Variants in RAD51B observed in about 807,000 individuals in gnomAD.
The protein encoded by RAD51B is RAD51 paralog B, also known as DNA repair protein RAD51 homolog 2.
In RAD51B, 38 loss-of-function variants were observed where a neutral mutation model predicts 42.2. The ratio of observed to expected loss-of-function variants is 0.90; its 90% CI spans 0.70 to 1.18. RAD51B has a LOEUF of 1.18. Ranked by LOEUF, RAD51B falls within the 50% of genes most tolerant of loss-of-function variation. The probability of loss-of-function intolerance (pLI) is 0.00; values close to 1 mark genes in which losing one functional copy is unlikely to be tolerated. For missense variants in RAD51B, 373 were observed against 400.7 expected, an observed-to-expected ratio of 0.93 and a Z score of 0.59; for synonymous variants, 154 against 145.2, an observed-to-expected ratio of 1.06 and a Z score of -0.43.
At chr14:67,957,272 G>A (rs2140220853) in intron 7 of RAD51B, among the ~76,000 whole-genome samples, 1 of 152,358 alleles carries the variant, frequency 6.6e-6, no homozygotes, top group South Asian at 2.1e-4. Context: ...ATGCTTGGAT[G>A]TGAAAGAACA....
intron 10 of RAD51B, among the ~76,000 whole-genome samples, chr14:68,639,793 G>T (rs1329496755): frequency 1.3e-5 from 2 of 151,872 alleles, no homozygotes; most frequent in African/African-American, 4.8e-5. Context: ...TTTGTTTTTT[G>T]TTTTTTGTTT....
At chr14:68,173,328 C>T (rs1023270668) in intron 7 of RAD51B, among the ~76,000 whole-genome samples, 3 of 152,146 alleles carry the variant, frequency 2.0e-5, no homozygotes, top group Non-Finnish European at 4.4e-5. Flanking sequence ...GAAAAATATT[C>T]TTTATATTCT....
At chr14:67,917,805 C>T (rs1338339858) in intron 7 of RAD51B, among the ~76,000 whole-genome samples, 4 of 151,934 alleles carry the variant, frequency 2.6e-5, no homozygotes, top group Non-Finnish European at 5.9e-5. Flanking sequence ...GGGGGAAGAT[C>T]AGGAGTTCAG....
chr14:68,413,857 A>G (rs11158737), intron 9 of RAD51B, among the ~76,000 whole-genome samples: 129,311 of 152,116 alleles, frequency 0.85, 55,248 homozygotes, highest in East Asian at 0.97. Context: ...GAACGTGCCT[A>G]GATAATTCTA....
intron 8 of RAD51B, among the ~76,000 whole-genome samples, chr14:68,327,382 G>T (rs12893170): frequency 0.032 from 4,545 of 142,412 alleles, 210 homozygotes; most frequent in African/African-American, 0.11. Flanking sequence ...TTTTTTTGTT[G>T]TTTTTTTTTT....
chr14:68,203,400 G>A (rs1338173419), intron 7 of RAD51B, among the ~76,000 whole-genome samples: 1 of 152,172 alleles, frequency 6.6e-6, no homozygotes, highest in Non-Finnish European at 1.5e-5. Flanking sequence ...TCTCAACAGT[G>A]TGTTTAAAAT....
At chr14:67,907,200 CT>C (rs2043807150) in intron 7 of RAD51B, among the ~76,000 whole-genome samples, 1 of 151,822 alleles carries the variant, frequency 6.6e-6, no homozygotes, top group African/African-American at 2.4e-5. Flanking sequence ...TTTTGTTGAT[CT>C]TTTGTATGGT....
intron 10 of RAD51B, among the ~76,000 whole-genome samples, chr14:68,536,808 G>A (rs1196453746): frequency 2.0e-5 from 3 of 152,030 alleles, no homozygotes; most frequent in African/African-American, 4.8e-5. Context: ...CCAGCCAGTC[G>A]CAGTGGCTCA....
chr14:68,297,555 A>C (rs1480065497), intron 8 of RAD51B, among the ~76,000 whole-genome samples: 1 of 152,108 alleles, frequency 6.6e-6, no homozygotes, highest in Non-Finnish European at 1.5e-5. Flanking sequence ...CTAAATGTTC[A>C]TTGGTTTGTG....
intron 7 of RAD51B, among the ~76,000 whole-genome samples, chr14:68,282,086 A>AT (rs1435150077): frequency 2.6e-5 from 4 of 151,446 alleles, no homozygotes; most frequent in Non-Finnish European, 5.9e-5. Context: ...GGTTCAAGCG[A>AT]TTCTCCTGCC....
intron 8 of RAD51B, among the ~76,000 whole-genome samples, chr14:68,351,633 C>T (rs2082790759): frequency 6.6e-6 from 1 of 152,134 alleles, no homozygotes; most frequent in Admixed American, 6.5e-5. Context: ...GTCCTGCCAC[C>T]TGAAGAGAGA....
chr14:68,195,021 G>T (rs1429166166), intron 7 of RAD51B, among the ~76,000 whole-genome samples: 2 of 152,048 alleles, frequency 1.3e-5, no homozygotes, highest in Non-Finnish European at 2.9e-5. Flanking sequence ...TATGTACTTG[G>T]TGGCAAGCAC....
chr14:68,072,768 C>T (rs1174748946), intron 7 of RAD51B, among the ~76,000 whole-genome samples: 1 of 152,170 alleles, frequency 6.6e-6, no homozygotes, highest in Non-Finnish European at 1.5e-5. Context: ...TTCTTGATTC[C>T]TGCCTTAATT....
intron 4 of RAD51B, among the ~76,000 whole-genome samples, chr14:67,863,591 T>G (rs1341923320): frequency 6.6e-6 from 1 of 152,126 alleles, no homozygotes; most frequent in Admixed American, 6.6e-5. Flanking sequence ...TAGCCCAGAC[T>G]TTTTTCCCTC....
chr14:67,930,128 C>A lies in RAD51B; in HGVS notation c.756+42924C>A, dbSNP rs57759614. Reference sequence around the variant, plus strand: ...GATTGTAGGCAGCATATAGTTAGATCATTTTTAAATCAATTCAGAGAGTCT... The same window carrying A: ...GATTGTAGGCAGCATATAGTTAGATAATTTTTAAATCAATTCAGAGAGTCT... On this transcript the variant is annotated intron_variant, in intron 7 of 10. Coordinates refer to ENST00000471583, the MANE Select transcript of RAD51B (RefSeq NM_133510.4). 6.2e-4 allele frequency among the ~76,000 whole-genome samples: 95 copies of A among 152,250 alleles called. 2 individuals are homozygous for A. In the East Asian group the frequency reaches 0.014, roughly 23 times the overall value.
chr14:67,941,623 G>A (rs1359276917), intron 7 of RAD51B, among the ~76,000 whole-genome samples: 4 of 152,076 alleles, frequency 2.6e-5, no homozygotes, highest in African/African-American at 4.8e-5. Flanking sequence ...AGAATGCCTC[G>A]GGCTCTGTGT....
chr14:67,992,115 A>G (rs962045546), intron 7 of RAD51B, among the ~76,000 whole-genome samples: 4 of 152,344 alleles, frequency 2.6e-5, no homozygotes, highest in East Asian at 3.9e-4. Flanking sequence ...TATTCTATGC[A>G]TCGGACTATT....
chr14:68,470,617 C>CT (rs1353580765), intron 10 of RAD51B: 9 of 504,316 alleles, frequency 1.8e-5, no homozygotes, highest in Non-Finnish European at 3.1e-5. Flanking sequence ...TCACAACCAG[C>CT]ATTTGAAAAC....
intron 8 of RAD51B, among the ~76,000 whole-genome samples, chr14:68,309,101 T>C (rs1420596691): frequency 1.3e-5 from 2 of 152,234 alleles, no homozygotes; most frequent in Non-Finnish European, 2.9e-5. Context: ...CGTTTCATAT[T>C]TATCTCTTAG....
Sources: allele counts gnomAD v4.1 joint callset (sites outside exome capture counted in the v4.1 genomes callset), GRCh38; gene constraint gnomAD v4.1.1; transcripts MANE v1.5; gene names NCBI Gene and HGNC (gene_info 2026-07-23, HGNC 2026-07-21).